The following ITFG1 variants were observed in gnomAD, a reference collection of about 807,000 sequenced individuals.
The protein encoded by ITFG1 is integrin alpha FG-GAP repeat containing 1.
In ITFG1, 34 loss-of-function variants were observed where a neutral mutation model predicts 81.8. The ratio of observed to expected loss-of-function variants is 0.42; its 90% confidence interval spans 0.32 to 0.55. The LOEUF is 0.55. Ranked by LOEUF, ITFG1 falls within the 20% of genes least tolerant of loss-of-function variation. The pLI is 0.17. For synonymous variants in ITFG1, 285 were observed against 270.6 expected, an observed-to-expected ratio of 1.05 and a Z score of -0.52; for missense variants, 672 against 755.4, an observed-to-expected ratio of 0.89 and a Z score of 1.29.
chr16:47,375,501 C>A (rs1192933212), intron 7 of ITFG1, among the ~76,000 whole-genome samples: 8 of 151,668 alleles, frequency 5.3e-5, no homozygotes, highest in Admixed American at 4.6e-4. Context: ...TTTATATAAG[C>A]CTAAAGGCAA....
chr16:47,257,173 A>G (rs947389655), intron 12 of ITFG1, among the ~76,000 whole-genome samples: 3 of 152,234 alleles, frequency 2.0e-5, no homozygotes, highest in Non-Finnish European at 2.9e-5. Context: ...AATAAAAGAC[A>G]TAGGGATTAG....
chr16:47,447,325 A>T (rs954840119), intron 5 of ITFG1, among the ~76,000 whole-genome samples: 1 of 152,210 alleles, frequency 6.6e-6, no homozygotes, highest in African/African-American at 2.4e-5. Context: ...TACTTTTCTC[A>T]AAAGAAGATG....
intron 6 of ITFG1, among the ~76,000 whole-genome samples, chr16:47,421,270 GCACACACACA>G (rs58232411): frequency 5.4e-5 from 7 of 129,956 alleles, no homozygotes; most frequent in African/African-American, 8.5e-5. Context: ...ACATACATAT[GCACACACACA>G]CACACACACA....
rs1346098052 is a variant in ITFG1, at chr16:47,176,730, T to C, written c.1454-14066A>G. Among the ~76,000 whole-genome samples the C allele has an allele frequency of 2.0e-5, 3 of 152,218 alleles. No homozygotes were observed. The East Asian group carries it at 5.8e-4, about 29-fold the overall frequency. On this transcript the variant is annotated intron_variant, in intron 14 of 17. Transcript: ENST00000320640. ...GTGACTGATAGGTTATTCTTCTTTCTGGTAGCAGGATGGGATGGAGAAAGA... is the reference window on the plus strand; with the variant it reads ...GTGACTGATAGGTTATTCTTCTTTCCGGTAGCAGGATGGGATGGAGAAAGA...
chr16:47,326,545 C>T (rs1967547284), intron 8 of ITFG1, among the ~76,000 whole-genome samples: 1 of 152,162 alleles, frequency 6.6e-6, no homozygotes, highest in Non-Finnish European at 1.5e-5. Flanking sequence ...TCCCTGTTTG[C>T]AGATGACATG....
chr16:47,197,247 CAGTT>C (rs750090823), intron 14 of ITFG1, among the ~76,000 whole-genome samples: 1 of 152,138 alleles, frequency 6.6e-6, no homozygotes, highest in Non-Finnish European at 1.5e-5. Flanking sequence ...GGTCTGAAAA[CAGTT>C]AGTTACCTTC....
chr16:47,309,273 T>G (rs1967220367), intron 10 of ITFG1, among the ~76,000 whole-genome samples: 1 of 152,120 alleles, frequency 6.6e-6, no homozygotes, highest in Non-Finnish European at 1.5e-5. Flanking sequence ...TTCACCATGT[T>G]GGCCAGGATG....
intron 6 of ITFG1, among the ~76,000 whole-genome samples, chr16:47,394,507 C>A (rs192749106): frequency 3.9e-5 from 6 of 152,192 alleles, no homozygotes; most frequent in Middle Eastern, 6.8e-3. Context: ...AACACAAACA[C>A]ACACTGTCTT....
At chr16:47,392,388 CAG>C (rs2151596264) in intron 6 of ITFG1, among the ~76,000 whole-genome samples, 1 of 152,264 alleles carries the variant, frequency 6.6e-6, no homozygotes, top group South Asian at 2.1e-4. Flanking sequence ...CTGGAGGTGA[CAG>C]TGTGTCTCAA....
intron 14 of ITFG1, among the ~76,000 whole-genome samples, chr16:47,167,044 T>G (rs924448873): frequency 6.6e-6 from 1 of 152,196 alleles, no homozygotes; most frequent in Non-Finnish European, 1.5e-5. Context: ...GTTGTGCAAC[T>G]ATCAATTCTC....
intron 13 of ITFG1, among the ~76,000 whole-genome samples, chr16:47,230,726 C>G (rs1398355975): frequency 1.3e-5 from 2 of 152,158 alleles, no homozygotes; most frequent in African/African-American, 2.4e-5. Flanking sequence ...ATGTTTAGTG[C>G]TGCAGAGGTC....
intron 12 of ITFG1, among the ~76,000 whole-genome samples, chr16:47,242,741 A>G (rs568217045): frequency 6.6e-6 from 1 of 152,328 alleles, no homozygotes; most frequent in South Asian, 2.1e-4. Flanking sequence ...AGAAAATTAT[A>G]CAATTTCTGT....
At chr16:47,310,168 C>T (rs1038983893) in intron 10 of ITFG1, among the ~76,000 whole-genome samples, 7 of 152,160 alleles carry the variant, frequency 4.6e-5, no homozygotes, top group Admixed American at 6.5e-5. Flanking sequence ...GGAAAGTTAA[C>T]GTACAGACTC....
chr16:47,396,495 AAG>A (rs1968594822), intron 6 of ITFG1, among the ~76,000 whole-genome samples: 1 of 141,586 alleles, frequency 7.1e-6, no homozygotes. Context: ...GACTGAGATC[AAG>A]GACAGTCTCC....
intron 14 of ITFG1, among the ~76,000 whole-genome samples, chr16:47,170,618 C>G (rs946079701): frequency 6.7e-6 from 1 of 148,420 alleles, no homozygotes; most frequent in Non-Finnish European, 1.5e-5. Flanking sequence ...TTAGTAGAGA[C>G]AGGGTTTCAC....
At chr16:47,156,248 C>T (rs1406843532) in intron 17 of ITFG1, among the ~76,000 whole-genome samples, 1 of 151,974 alleles carries the variant, frequency 6.6e-6, no homozygotes, top group African/African-American at 2.4e-5. Flanking sequence ...ACCAGCCTGG[C>T]CAACATGGTG....
intron 14 of ITFG1, among the ~76,000 whole-genome samples, chr16:47,212,738 T>C (rs1299217570): frequency 6.6e-6 from 1 of 152,248 alleles, no homozygotes; most frequent in Non-Finnish European, 1.5e-5. Flanking sequence ...TATTCCCTTA[T>C]TATCCTTTTG....
At chr16:47,398,823 ATGGC>A (rs1567486364) in intron 6 of ITFG1, among the ~76,000 whole-genome samples, 3 of 152,222 alleles carry the variant, frequency 2.0e-5, no homozygotes, top group Admixed American at 6.5e-5. Context: ...TACTATTTCA[ATGGC>A]ACTTTGTTTA....
intron 11 of ITFG1, among the ~76,000 whole-genome samples, chr16:47,259,699 A>G (rs1357849230): frequency 1.3e-5 from 2 of 152,194 alleles, no homozygotes; most frequent in Non-Finnish European, 2.9e-5. Flanking sequence ...TAATTCTGGA[A>G]TTTAACATTG....
Sources: gnomAD v4.1 joint callset for allele counts (sites outside exome capture counted in the v4.1 genomes callset) on GRCh38, gnomAD v4.1.1 for gene constraint, MANE v1.5 for transcripts, NCBI Gene and HGNC (gene_info 2026-07-23, HGNC 2026-07-21) for gene names.